Variants in MID1 observed in about 807,000 individuals in gnomAD.
MID1 encodes the protein E3 ubiquitin-protein ligase Midline-1.
A neutral mutation model predicts 40.4 loss-of-function variants in MID1; 7 were observed. The ratio of observed to expected loss-of-function variants is 0.17; its 90% CI spans 0.10 to 0.33. The LOEUF (loss-of-function observed/expected upper bound fraction) is 0.33, where lower values mean the gene tolerates loss of function less well. MID1 is among the 10% of genes least tolerant of loss of function. MID1 has a pLI of 1.00. For missense variants in MID1, 367 were observed against 558.5 expected (o/e 0.66, Z 3.46); for synonymous variants, 229 against 221.2 (o/e 1.04, Z -0.31).
chrX:10,490,268 G>A (rs916069701), intron 4 of MID1, among the ~76,000 whole-genome samples: 1 of 111,672 alleles, frequency 9.0e-6, no homozygotes, highest in Non-Finnish European at 1.9e-5. Context: ...TCTTTTGTTA[G>A]ATTTATCACT....
intron 1 of MID1, among the ~76,000 whole-genome samples, chrX:10,588,748 T>TG (rs1569117972): frequency 9.1e-6 from 1 of 110,208 alleles, no homozygotes; most frequent in Non-Finnish European, 1.9e-5. Flanking sequence ...TTAACTACTG[T>TG]GGGGGGAAGG....
chrX:10,655,093 G>A lies in MID1; in HGVS notation c.-186-34674C>T, dbSNP rs138175197. On this transcript the variant is annotated intron_variant, in intron 1 of 10. Transcript: ENST00000380785. Reference sequence around the variant, plus strand: ...CAAATTTTCCTTCAAGTTGGACAGCGGAAGAATGGATATGCAAGACCTCAA... The same window carrying A: ...CAAATTTTCCTTCAAGTTGGACAGCAGAAGAATGGATATGCAAGACCTCAA... Among the ~76,000 whole-genome samples, 18 of 111,980 alleles carry A rather than the reference G, an allele frequency of 1.6e-4. 1 individual carries two copies. The highest frequency in any genetic ancestry group is 2.4e-4 in the Non-Finnish European group (13 of 53,216).
At chrX:10,800,589 C>G (rs2043999374) in intron 1 of MID1, among the ~76,000 whole-genome samples, 1 of 111,811 alleles carries the variant, frequency 8.9e-6, no homozygotes. Context: ...ATTGGCTTGC[C>G]ACATGTAGCC....
intron 1 of MID1, among the ~76,000 whole-genome samples, chrX:10,580,163 G>A (rs1023439301): frequency 3.7e-5 from 4 of 106,760 alleles, no homozygotes; most frequent in Non-Finnish European, 7.7e-5. Flanking sequence ...AATTAAAACT[G>A]CCTTCAAATC....
intron 1 of MID1, among the ~76,000 whole-genome samples, chrX:10,658,112 G>A (rs2042887672): frequency 1.8e-5 from 2 of 111,093 alleles, no homozygotes; most frequent in Admixed American, 9.6e-5. Flanking sequence ...TTCTACCAAA[G>A]AGTGGAAAAA....
chrX:10,596,288 A>C (rs1356160718), intron 1 of MID1, among the ~76,000 whole-genome samples: 2 of 111,239 alleles, frequency 1.8e-5, no homozygotes, highest in Non-Finnish European at 3.8e-5. Flanking sequence ...AGACTGGATT[A>C]CTTCCACGAG....
At chrX:10,683,632 T>C (rs915386973) in intron 1 of MID1, among the ~76,000 whole-genome samples, 3 of 110,129 alleles carry the variant, frequency 2.7e-5, no homozygotes, top group African/African-American at 9.9e-5. Flanking sequence ...ATTATTCAAT[T>C]AAATATTACA....
At chrX:10,494,771 CAAAAA>C (rs58092232) in intron 4 of MID1, among the ~76,000 whole-genome samples, 392 of 31,971 alleles carry the variant, frequency 0.012, 1 homozygote, top group African/African-American at 0.029. Context: ...AAGACTGTCT[CAAAAA>C]AAAAAAAAAA....
At chrX:10,508,728 T>C (rs920966367) in intron 3 of MID1, among the ~76,000 whole-genome samples, 3 of 111,649 alleles carry the variant, frequency 2.7e-5, no homozygotes, top group Admixed American at 9.5e-5. Flanking sequence ...AAAATTCTGT[T>C]TCAACAACAT....
intron 1 of MID1, among the ~76,000 whole-genome samples, chrX:10,683,358 A>T (rs1569146045): frequency 9.0e-6 from 1 of 110,927 alleles, no homozygotes; most frequent in East Asian, 2.8e-4. Context: ...CCAGCCTGGC[A>T]ATATAGTGAG....
intron 1 of MID1, among the ~76,000 whole-genome samples, chrX:10,588,617 TTC>T (rs1275364981): frequency 9.0e-6 from 1 of 110,937 alleles, no homozygotes; most frequent in Admixed American, 9.6e-5. Flanking sequence ...CTCTTTGACT[TTC>T]TGTCTCTCTG....
chrX:10,608,000 C>T (rs1341161029), intron 1 of MID1, among the ~76,000 whole-genome samples: 2 of 112,365 alleles, frequency 1.8e-5, no homozygotes, highest in Non-Finnish European at 3.8e-5. Context: ...TGAACACACC[C>T]AAACTGGATT....
chrX:10,758,393 C>T (rs1232266625), intron 1 of MID1, among the ~76,000 whole-genome samples: 1 of 109,447 alleles, frequency 9.1e-6, no homozygotes, highest in African/African-American at 3.3e-5. Flanking sequence ...AATCTGTAGG[C>T]CACTGACAAA....
intron 2 of MID1, among the ~76,000 whole-genome samples, chrX:10,526,866 G>T (rs1009635669): frequency 2.7e-5 from 3 of 111,632 alleles, no homozygotes; most frequent in Admixed American, 9.6e-5. Context: ...CTGGGAGAGA[G>T]ACTTGTTTCC....
chrX:10,598,988 C>CG (rs775293836), intron 1 of MID1, among the ~76,000 whole-genome samples: 2 of 111,762 alleles, frequency 1.8e-5, no homozygotes, highest in Admixed American at 9.5e-5. Context: ...ACCATCCTGA[C>CG]GGGGGGGATC....
intron 1 of MID1, among the ~76,000 whole-genome samples, chrX:10,668,200 G>C (rs2042962520): frequency 9.0e-6 from 1 of 111,679 alleles, no homozygotes; most frequent in African/African-American, 3.2e-5. Flanking sequence ...TTGCCATAGT[G>C]CTATTACTCA....
chrX:10,796,863 G>C (rs2043971242), intron 1 of MID1, among the ~76,000 whole-genome samples: 1 of 110,837 alleles, frequency 9.0e-6, no homozygotes, highest in African/African-American at 3.3e-5. Flanking sequence ...CAATTGCTTG[G>C]GGGGCAGGTT....
intron 8 of MID1, among the ~76,000 whole-genome samples, chrX:10,457,087 G>A (rs1337842431): frequency 9.0e-6 from 1 of 110,922 alleles, no homozygotes; most frequent in African/African-American, 3.3e-5. Context: ...TTTTAAAGGT[G>A]GAAGGTAGAA....
intron 1 of MID1, among the ~76,000 whole-genome samples, chrX:10,824,221 G>T (rs755863107): frequency 3.6e-5 from 4 of 111,945 alleles, no homozygotes; most frequent in Admixed American, 9.5e-5. Flanking sequence ...CAGACCAGAA[G>T]GCTTGATGGT....
Sources: gnomAD v4.1 joint callset for allele counts (sites outside exome capture counted in the v4.1 genomes callset) on GRCh38, gnomAD v4.1.1 for gene constraint, MANE v1.5 for transcripts, NCBI Gene and HGNC (gene_info 2026-07-23, HGNC 2026-07-21) for gene names.